Variants in KSR2 observed in about 807,000 individuals in gnomAD.
The protein encoded by KSR2 is kinase suppressor of ras 2.
A neutral mutation model predicts 107.8 loss-of-function variants in KSR2; 25 were observed. The observed-to-expected ratio is 0.23, with a 90% confidence interval of 0.17 to 0.32. The LOEUF (loss-of-function observed/expected upper bound fraction) is 0.32. KSR2 is among the 10% of genes least tolerant of loss of function. The probability of loss-of-function intolerance (pLI) is 1.00; values close to 1 mark genes in which losing one functional copy is unlikely to be tolerated. For synonymous variants in KSR2, 480 were observed against 507.0 expected (o/e 0.95, Z 0.71); for missense variants, 887 against 1,268.9 (o/e 0.70, Z 4.57).
chr12:117,810,049 A>G (rs376849686), intron 3 of KSR2, among the ~76,000 whole-genome samples: 35 of 152,298 alleles, frequency 2.3e-4, no homozygotes, highest in African/African-American at 7.7e-4. Context: ...GAGGAAGTAG[A>G]GCCCGAATGA....
intron 1 of KSR2, among the ~76,000 whole-genome samples, chr12:117,962,936 G>A (rs1473453864): frequency 2.7e-5 from 4 of 149,636 alleles, no homozygotes; most frequent in African/African-American, 9.8e-5. Context: ...TATAATCCCA[G>A]CACTTTGGGA....
intron 12 of KSR2, among the ~76,000 whole-genome samples, chr12:117,528,772 C>T (rs1378107966): frequency 1.3e-5 from 2 of 152,204 alleles, no homozygotes; most frequent in East Asian, 3.8e-4. Context: ...AAACAGGCCA[C>T]CCTCCTCTCT....
At chr12:117,530,332 G>A (rs542254125) in intron 12 of KSR2, among the ~76,000 whole-genome samples, 1 of 152,258 alleles carries the variant, frequency 6.6e-6, no homozygotes, top group Middle Eastern at 3.4e-3. Context: ...GGGTCATAGA[G>A]TAAATATTTT....
intron 4 of KSR2, among the ~76,000 whole-genome samples, chr12:117,755,886 C>G (rs953378252): frequency 6.6e-6 from 1 of 152,154 alleles, no homozygotes; most frequent in Admixed American, 6.5e-5. Flanking sequence ...AATAAAACAG[C>G]CTTATTGCTG....
intron 17 of KSR2, 29 bp downstream of exon 17, chr12:117,476,435 T>C (rs1175630676): frequency 6.4e-7 from 1 of 1,561,314 alleles, no homozygotes; most frequent in South Asian, 1.2e-5. Context: ...AGGCTGTGGC[T>C]CTCAATGGCC....
chr12:117,734,818 C>T (rs1002391993), intron 4 of KSR2, among the ~76,000 whole-genome samples: 2 of 152,126 alleles, frequency 1.3e-5, no homozygotes, highest in South Asian at 4.1e-4. Context: ...TACAGTGGTA[C>T]AGAGTGCCAG....
intron 4 of KSR2, among the ~76,000 whole-genome samples, chr12:117,699,954 C>A (rs1303151240): frequency 6.6e-6 from 1 of 152,040 alleles, no homozygotes; most frequent in Admixed American, 6.6e-5. Flanking sequence ...CTCACTGTAA[C>A]CTATGCCTCC....
chr12:117,616,882 C>G (rs901405273), intron 5 of KSR2, among the ~76,000 whole-genome samples: 4 of 152,110 alleles, frequency 2.6e-5, no homozygotes, highest in Admixed American at 6.6e-5. Context: ...TTTATTCTTC[C>G]TTCTCTCCTT....
chr12:117,497,864 C>T (rs191421590), intron 14 of KSR2, among the ~76,000 whole-genome samples: 43 of 152,296 alleles, frequency 2.8e-4, no homozygotes, highest in Admixed American at 7.8e-4. Flanking sequence ...AGGAAATAAG[C>T]ATCTTGCCAC....
At chr12:117,648,337 A>G (rs1019213722) in intron 5 of KSR2, among the ~76,000 whole-genome samples, 1 of 152,046 alleles carries the variant, frequency 6.6e-6, no homozygotes, top group Non-Finnish European at 1.5e-5. Flanking sequence ...GTTTGCCACA[A>G]TCTTCACCAC....
rs534606384 is a variant in KSR2, at chr12:117,778,493, C to T, written c.473-16969G>A. 1.2e-4 allele frequency among the ~76,000 whole-genome samples: 19 copies of T among 152,308 alleles called. 1 individual carries two copies. The South Asian group carries it at 1.9e-3, about 15-fold the overall frequency. On this transcript the variant is annotated intron_variant, in intron 3 of 19. Coordinates refer to ENST00000339824, the MANE Select transcript of KSR2 (RefSeq NM_173598.6). ...GCAAGAAATTAAGTGGGAGACAACT[C>T]GCTATAGTCAAAATTCTATTCATGC...
At chr12:117,485,421 A>G (rs1394233669) in intron 15 of KSR2, among the ~76,000 whole-genome samples, 174 bp downstream of exon 15, 1 of 152,174 alleles carries the variant, frequency 6.6e-6, no homozygotes, top group Non-Finnish European at 1.5e-5. Flanking sequence ...TCGAGGCAGA[A>G]TTCTTACTTA....
intron 9 of KSR2, among the ~76,000 whole-genome samples, chr12:117,540,704 T>C (rs1175563545): frequency 6.6e-6 from 1 of 151,814 alleles, no homozygotes; most frequent in South Asian, 2.1e-4. Flanking sequence ...GAGGGAGAGA[T>C]TGGAGTGATG....
intron 4 of KSR2, among the ~76,000 whole-genome samples, chr12:117,703,690 A>G (rs1452444979): frequency 6.6e-6 from 1 of 152,208 alleles, no homozygotes; most frequent in Non-Finnish European, 1.5e-5. Context: ...CTACCCAGCA[A>G]TCCTCCCAGA....
At chr12:117,519,180 T>C (rs1339242123) in intron 14 of KSR2, among the ~76,000 whole-genome samples, 1 of 152,116 alleles carries the variant, frequency 6.6e-6, no homozygotes, top group African/African-American at 2.4e-5. Context: ...CCCCTGCAGG[T>C]GCTGATATTG....
intron 7 of KSR2, among the ~76,000 whole-genome samples, chr12:117,573,189 G>A (rs1206501472): frequency 6.6e-6 from 1 of 152,202 alleles, no homozygotes; most frequent in Non-Finnish European, 1.5e-5. Flanking sequence ...ATCGGAGCAG[G>A]AGGGAAGGGG....
chr12:117,903,727 C>T (rs1593355999), intron 1 of KSR2, among the ~76,000 whole-genome samples: 2 of 152,138 alleles, frequency 1.3e-5, no homozygotes, highest in South Asian at 2.1e-4. Flanking sequence ...CCTTTGAGGC[C>T]GGGCACTGTG....
chr12:117,769,145 C>T (rs1566004759), intron 3 of KSR2, among the ~76,000 whole-genome samples: 3 of 152,248 alleles, frequency 2.0e-5, no homozygotes, highest in South Asian at 2.1e-4. Context: ...CCAGAAACCC[C>T]GGGATCACTC....
At chr12:117,955,627 T>C (rs961364183) in intron 1 of KSR2, among the ~76,000 whole-genome samples, 2 of 152,102 alleles carry the variant, frequency 1.3e-5, no homozygotes, top group African/African-American at 4.8e-5. Flanking sequence ...GATCTCACTT[T>C]TCTGGTTCAG....
Sources: gnomAD v4.1 joint callset for allele counts (sites outside exome capture counted in the v4.1 genomes callset) on GRCh38, gnomAD v4.1.1 for gene constraint, MANE v1.5 for transcripts, NCBI Gene and HGNC (gene_info 2026-07-23, HGNC 2026-07-21) for gene names.